STIM1: variants seen among roughly 807,000 people sequenced by gnomAD.
STIM1 encodes the protein stromal interaction molecule 1.
A neutral mutation model predicts 74.7 loss-of-function variants in STIM1; 25 were observed. The ratio of observed to expected loss-of-function variants is 0.33; its 90% CI spans 0.24 to 0.47. The LOEUF (loss-of-function observed/expected upper bound fraction) is 0.47. Among genes scored for constraint, STIM1 ranks in the 20% least tolerant of loss-of-function variants. The probability of loss-of-function intolerance (pLI) is 1.00; values close to 1 mark genes in which losing one functional copy is unlikely to be tolerated. For missense variants in STIM1, 728 were observed against 920.8 expected (o/e 0.79, Z 2.71); for synonymous variants, 328 against 348.8 (o/e 0.94, Z 0.66).
intron 1 of STIM1, among the ~76,000 whole-genome samples, chr11:3,925,093 A>G (rs929228359): frequency 1.3e-5 from 2 of 152,230 alleles, no homozygotes; most frequent in Non-Finnish European, 2.9e-5. Context: ...AAAGGAATGC[A>G]GTTTTAAAAA....
intron 2 of STIM1, among the ~76,000 whole-genome samples, chr11:4,001,718 T>G (rs1424329000): frequency 2.0e-5 from 3 of 151,404 alleles, no homozygotes; most frequent in African/African-American, 4.9e-5. Context: ...AATGACAGGA[T>G]CAAATTCACA....
chr11:4,038,236 T>C (rs1590665748), intron 3 of STIM1, among the ~76,000 whole-genome samples: 1 of 152,164 alleles, frequency 6.6e-6, no homozygotes, highest in East Asian at 1.9e-4. Flanking sequence ...GGTTTTGCCA[T>C]GTTGGTCAGG....
intron 1 of STIM1, among the ~76,000 whole-genome samples, chr11:3,880,391 A>G (rs1203869557): frequency 1.3e-5 from 2 of 149,638 alleles, no homozygotes; most frequent in African/African-American, 2.6e-5. Flanking sequence ...ATGAGCTTGA[A>G]TGCTGTTCCC....
At chr11:4,038,696 T>G (rs1328576115) in intron 3 of STIM1, among the ~76,000 whole-genome samples, 1 of 152,246 alleles carries the variant, frequency 6.6e-6, no homozygotes, top group Non-Finnish European at 1.5e-5. Context: ...CAGCTTACCC[T>G]GAAACAGAAG....
chr11:3,964,881 T>A (rs1300330839), intron 1 of STIM1, among the ~76,000 whole-genome samples: 2 of 152,096 alleles, frequency 1.3e-5, no homozygotes, highest in African/African-American at 4.8e-5. Context: ...TGTGCCATCA[T>A]GCCTGGCTAA....
intron 3 of STIM1, among the ~76,000 whole-genome samples, chr11:4,048,550 A>G (rs1181944643): frequency 1.3e-5 from 2 of 151,946 alleles, no homozygotes; most frequent in East Asian, 3.9e-4. Context: ...ATTTTTCTTT[A>G]TTTAAGCTAC....
At chr11:3,956,331 G>T (rs1222994495) in intron 1 of STIM1, among the ~76,000 whole-genome samples, 3 of 152,184 alleles carry the variant, frequency 2.0e-5, no homozygotes, top group African/African-American at 7.2e-5. Flanking sequence ...ATTGGTGATT[G>T]ATTAAATGTG....
chr11:3,930,317 T>C (rs986129273), intron 1 of STIM1, among the ~76,000 whole-genome samples: 2 of 152,254 alleles, frequency 1.3e-5, no homozygotes, highest in African/African-American at 4.8e-5. Flanking sequence ...AGTAACCTAA[T>C]GTTACACAGC....
At chr11:3,957,953 C>T (rs893889654) in intron 1 of STIM1, among the ~76,000 whole-genome samples, 2 of 152,064 alleles carry the variant, frequency 1.3e-5, no homozygotes, top group Non-Finnish European at 2.9e-5. Context: ...GCAACCTCCA[C>T]CTCCCGGGTT....
intron 1 of STIM1, among the ~76,000 whole-genome samples, chr11:3,958,950 TAA>T (rs372506065): frequency 1.6e-4 from 22 of 134,608 alleles, no homozygotes; most frequent in Admixed American, 3.0e-4. Context: ...AAACTCTGTC[TAA>T]AAAAAAAAAA....
At chr11:3,957,291 C>G (rs918414881) in intron 1 of STIM1, among the ~76,000 whole-genome samples, 1 of 152,114 alleles carries the variant, frequency 6.6e-6, no homozygotes, top group South Asian at 2.1e-4. Context: ...GATTCTTGCT[C>G]TGTTGCGCAG....
chr11:4,001,171 T>C (rs1400865656), intron 2 of STIM1, among the ~76,000 whole-genome samples: 2 of 152,084 alleles, frequency 1.3e-5, no homozygotes, highest in African/African-American at 4.8e-5. Flanking sequence ...TGCAGGATAT[T>C]ATCCAGGAGA....
chr11:4,085,715 T>G (rs530015349), intron 11 of STIM1, among the ~76,000 whole-genome samples: 2 of 152,298 alleles, frequency 1.3e-5, no homozygotes, highest in South Asian at 4.1e-4. Context: ...TTGTGAAGTC[T>G]CAGAAGAACC....
At chr11:4,028,322 T>A (rs866768525) in intron 3 of STIM1, among the ~76,000 whole-genome samples, 5 of 152,182 alleles carry the variant, frequency 3.3e-5, no homozygotes, top group Non-Finnish European at 7.4e-5. Context: ...TCTCAAGTGA[T>A]CTACCCGCCT....
intron 1 of STIM1, among the ~76,000 whole-genome samples, chr11:3,873,667 G>C (rs2091213391): frequency 6.6e-6 from 1 of 152,086 alleles, no homozygotes; most frequent in South Asian, 2.1e-4. Context: ...GTGAGGGGTG[G>C]AGCCTGGCAA....
At chr11:3,910,166 G>A (rs1308440980) in intron 1 of STIM1, among the ~76,000 whole-genome samples, 2 of 152,168 alleles carry the variant, frequency 1.3e-5, no homozygotes, top group African/African-American at 4.8e-5. Flanking sequence ...AAGGATTTGC[G>A]ACTATATTCT....
At chr11:4,086,345 G>A in intron 11 of STIM1, 132 bp from the exon 12 acceptor site, 1 of 1,001,334 alleles carries the variant, frequency 1.0e-6, no homozygotes, top group Non-Finnish European at 1.5e-6. Context: ...TCTGGGAGGA[G>A]GTGCCCCATT....
intron 1 of STIM1, among the ~76,000 whole-genome samples, chr11:3,918,620 A>AT (rs925995337): frequency 1.3e-5 from 2 of 152,048 alleles, no homozygotes; most frequent in African/African-American, 2.4e-5. Context: ...CCTGGGTATG[A>AT]TTTTGGCTTG....
chr11:4,042,833 A>AC (rs998726953), intron 3 of STIM1, among the ~76,000 whole-genome samples: 4 of 152,188 alleles, frequency 2.6e-5, no homozygotes, highest in Admixed American at 6.5e-5. Flanking sequence ...TATGAAGAAA[A>AC]AGTTACTACT....
Sources: allele counts gnomAD v4.1 joint callset (sites outside exome capture counted in the v4.1 genomes callset), GRCh38; gene constraint gnomAD v4.1.1; transcripts MANE v1.5; gene names NCBI Gene and HGNC (gene_info 2026-07-23, HGNC 2026-07-21).